The following UTP20 variants were observed in gnomAD, a reference collection of about 807,000 sequenced individuals.
UTP20 encodes the protein small subunit processome component 20 homolog.
Under a neutral mutation model 329.5 loss-of-function variants are expected in UTP20, and 164 were observed. That is an observed-to-expected ratio of 0.50 (90% CI 0.44 to 0.57). The LOEUF is 0.57. Among genes scored for constraint, UTP20 ranks in the 20% least tolerant of loss-of-function variants. The pLI is 0.00. For missense variants in UTP20, 3,055 were observed against 3,284.2 expected (o/e 0.93, Z 1.71); for synonymous variants, 1,151 against 1,159.3 (o/e 0.99, Z 0.14).
intron 25 of UTP20, among the ~76,000 whole-genome samples, chr12:101,324,817 A>T (rs963378916): frequency 6.6e-6 from 1 of 152,150 alleles, no homozygotes; most frequent in Non-Finnish European, 1.5e-5. Flanking sequence ...ATCAGTATTT[A>T]TATTCATTTA....
Position 101,305,976 on chromosome 12 carries a change from T to C in UTP20, c.1843T>C (p.Leu615=). Residue 615 remains leucine, a synonymous_variant, in exon 16 of 62, where the codon TTG becomes CTG. Transcript: ENST00000261637. ...TGATCTCTATTATCAGAGATTAGCC[T>C]TGTGTGGCTGCAAAGGGCCACTTTC... ...LTDLYYQRLA[L]CGCKGPLSQE... is the part of the protein sequence containing the mutation. The C allele has an allele frequency of 6.2e-7, 1 of 1,614,106 alleles. No individual in the cohort carries two copies.
At chr12:101,316,058 C>A (rs1299782003) in intron 21 of UTP20, among the ~76,000 whole-genome samples, 3 of 152,128 alleles carry the variant, frequency 2.0e-5, no homozygotes, top group African/African-American at 7.2e-5. Context: ...AATGGAAAAC[C>A]CAAATGTCAC....
chr12:101,304,789 G>A (rs1872609644), intron 15 of UTP20, among the ~76,000 whole-genome samples: 2 of 152,164 alleles, frequency 1.3e-5, no homozygotes, highest in East Asian at 3.9e-4. Context: ...TGCTCGAGAG[G>A]TATCCCATCT....
intron 1 of UTP20, 25 bp from the exon 2 acceptor site, chr12:101,281,091 A>G (rs765520916): frequency 1.8e-5 from 29 of 1,573,638 alleles, no homozygotes; most frequent in Non-Finnish European, 2.2e-5. Flanking sequence ...TTAATTATGT[A>G]TCTTAAATAT....
intron 1 of UTP20, 105 bp from the exon 2 acceptor site, chr12:101,281,011 C>T: frequency 1.1e-6 from 1 of 937,254 alleles, no homozygotes; most frequent in Non-Finnish European, 1.6e-6. Flanking sequence ...TATTTTTCCA[C>T]TTATCCTTTG....
At chr12:101,385,802 C>T (rs1179428679) in intron 61 of UTP20, 74 bp downstream of exon 61, 25 of 1,545,438 alleles carry the variant, frequency 1.6e-5, no homozygotes, top group Non-Finnish European at 2.2e-5. Context: ...TTGTGTCACA[C>T]TTACACTTAG....
Position 101,344,746 on chromosome 12 carries a change from C to G in UTP20, c.4601C>G (p.Thr1534Arg), listed in dbSNP as rs757585781. 2.1e-5 allele frequency: 34 copies of G among 1,613,322 alleles called. No individual in the cohort carries two copies. The highest frequency in any genetic ancestry group is 2.8e-5 in the Non-Finnish European group (33 of 1,179,678). Reference sequence around the variant, plus strand: ...TTGAGAAAAGGTCTGAAGAGCCAGACAGAGGTATATAACTTTGTGTTTTAG... The same window carrying G: ...TTGAGAAAAGGTCTGAAGAGCCAGAGAGAGGTATATAACTTTGTGTTTTAG... ...EKLRKGLKSQ[T>R]ESIQQDYTTI... The change falls in exon 36 of 62, where the codon ACA becomes AGA. Residue 1534 changes from threonine (T) to arginine (R), a missense_variant. This residue lies in a region of UTP20 where 2,445 missense variants were observed against 2,575.5 expected (regional missense o/e 0.95). Transcript: ENST00000261637.
intron 47 of UTP20, 107 bp downstream of exon 47, chr12:101,366,806 G>T: frequency 1.4e-6 from 2 of 1,380,158 alleles, no homozygotes; most frequent in East Asian, 2.4e-5. Context: ...ATGCCTTACT[G>T]TAAATACATT....
chr12:101,337,417 C>T (rs1289468344), intron 29 of UTP20, among the ~76,000 whole-genome samples: 1 of 152,158 alleles, frequency 6.6e-6, no homozygotes, highest in African/African-American at 2.4e-5. Flanking sequence ...AATCAACTGC[C>T]GGTTTACCCT....
intron 30 of UTP20, 78 bp downstream of exon 30, chr12:101,338,355 TATA>T: frequency 6.8e-7 from 1 of 1,475,654 alleles, no homozygotes; most frequent in Middle Eastern, 1.7e-4. Flanking sequence ...AAAAAATCAG[TATA>T]ATTTGACTCA....
Position 101,308,271 on chromosome 12 carries a change from G to A in UTP20, c.2082G>A (p.Glu694=). The change falls in exon 18 of 62, where the codon GAG becomes GAA. Residue 694 remains glutamate (E), a synonymous_variant. Transcript: ENST00000261637. ...LVPATVNDYR[E]KLLHLRKLRH... is the part of the protein sequence containing the mutation. ...CAGCAACTGTGAATGATTATAGAGA[G>A]AAGCTTCTTCATTTGAGAAAACTAA... The A allele has an allele frequency of 6.2e-7, 1 of 1,612,960 alleles. No individual in the cohort carries two copies. The highest frequency in any genetic ancestry group is 8.5e-7 in the Non-Finnish European group (1 of 1,179,510).
chr12:101,291,670 A>G lies in UTP20; in HGVS notation c.892-72A>G, dbSNP rs894740373. 27 of 1,456,472 alleles carry G rather than the reference A, an allele frequency of 1.9e-5. No individual in the cohort carries two copies. In the African/African-American group the frequency reaches 3.8e-4, roughly 21 times the overall value. The allele number at this position is 1,456,472 out of a possible 1,614,324, so 90.2% of individuals were successfully genotyped here. On this transcript the variant is annotated intron_variant, in intron 8 of 61. Coordinates refer to ENST00000261637, the MANE Select transcript of UTP20 (RefSeq NM_014503.3). ...AGAATGGGAAAAGTTGAACTGTCCC[A>G]CAGTTTTTATTGTTGGATTAACAGT...
intron 38 of UTP20, among the ~76,000 whole-genome samples, chr12:101,351,526 C>CTTTTT (rs753646442): frequency 1.7e-5 from 2 of 117,852 alleles, no homozygotes; most frequent in African/African-American, 3.3e-5. Context: ...AGGCAGTGTA[C>CTTTTT]TTTTTTTTTT....
intron 57 of UTP20, among the ~76,000 whole-genome samples, chr12:101,379,992 T>C (rs1288218048): frequency 6.6e-6 from 1 of 152,046 alleles, no homozygotes; most frequent in Non-Finnish European, 1.5e-5. Context: ...GCTAATAAGT[T>C]CTTTATCGGC....
intron 5 of UTP20, 126 bp downstream of exon 5, chr12:101,286,635 A>G: frequency 2.7e-6 from 2 of 740,836 alleles, no homozygotes; most frequent in Non-Finnish European, 3.9e-6. Flanking sequence ...TTGATTCTCC[A>G]GCCAAAGTGG....
In UTP20 at chr12:101,383,268, G is replaced by C. The variant is rs1214885279; in HGVS notation, c.7884G>C (p.Arg2628=). 6.2e-7 allele frequency: 1 copy of C among 1,614,000 alleles called. No homozygotes were observed. The highest frequency in any genetic ancestry group is 8.5e-7 in the Non-Finnish European group (1 of 1,180,048). ...TLLWLIQKLS[R]IAKLEAAYSP... is the part of the protein sequence containing the mutation. Reference sequence around the variant, plus strand: ...TGTGGTTGATCCAGAAGCTGTCCCGGATTGCAAAACTGGAAGCTGCTTATT... The same window carrying C: ...TGTGGTTGATCCAGAAGCTGTCCCGCATTGCAAAACTGGAAGCTGCTTATT... Residue 2628 remains arginine, a synonymous_variant, in exon 59 of 62, where the codon CGG becomes CGC. Coordinates refer to ENST00000261637, the MANE Select transcript of UTP20 (RefSeq NM_014503.3).
chr12:101,359,501 G>GTATATATA lies in UTP20; in HGVS notation c.5691+2430_5691+2437dup, dbSNP rs113405115. On this transcript the variant is annotated intron_variant, in intron 43 of 61. Coordinates refer to ENST00000261637, the MANE Select transcript of UTP20 (RefSeq NM_014503.3). ...TGTGTGTGTGTATGTATGTGTGTGT[G>GTATATATA]TATATATATATATATATAGCTCTTC... 2.5e-4 allele frequency among the ~76,000 whole-genome samples: 37 copies of GTATATATA among 147,800 alleles called. 1 individual carries two copies. In the East Asian group the frequency reaches 3.6e-3, roughly 14 times the overall value.
chr12:101,327,093 G>C lies in UTP20; in HGVS notation c.3054G>C (p.Gly1018=), dbSNP rs766946699. 6.2e-7 allele frequency: 1 copy of C among 1,602,858 alleles called. No homozygotes were observed. The highest frequency in any genetic ancestry group is 2.2e-5 in the East Asian group (1 of 44,514). Residue 1018 remains glycine (G), a synonymous_variant, in exon 26 of 62, where the codon GGG becomes GGC. Coordinates refer to ENST00000261637, the MANE Select transcript of UTP20 (RefSeq NM_014503.3). The part of the protein sequence containing the change: ...LFPILMRILY[G]RMKNKTGSKT... ...TTTGCCTTTTCAGAATTTTGTATGG[G>C]CGAATGAAGAATAAGACTGGGAGTA...
intron 5 of UTP20, among the ~76,000 whole-genome samples, chr12:101,288,595 C>G (rs1320910484): frequency 6.6e-6 from 1 of 152,224 alleles, no homozygotes; most frequent in Non-Finnish European, 1.5e-5. Flanking sequence ...GATGGACCAG[C>G]CTCCTTGTCA....
Sources: gnomAD v4.1 joint callset for allele counts (sites outside exome capture counted in the v4.1 genomes callset) on GRCh38, gnomAD v4.1.1 for gene constraint, gnomAD v4.1.1 regional missense constraint, MANE v1.5 for transcripts, NCBI Gene and HGNC (gene_info 2026-07-23, HGNC 2026-07-21) for gene names.